The following HEATR4 variants were observed in gnomAD, a reference collection of about 807,000 sequenced individuals.
HEATR4 encodes the protein HEAT repeat containing 4, also known as HEAT repeat-containing protein 4.
Under a neutral mutation model 108.8 loss-of-function variants are expected in HEATR4, and 95 were observed. That is an observed-to-expected ratio of 0.87 (90% CI 0.74 to 1.04). HEATR4 has a LOEUF of 1.04. HEATR4 is among the 50% of genes least tolerant of loss of function. The pLI is 0.00. For missense variants in HEATR4, 1,152 were observed against 1,253.8 expected, an observed-to-expected ratio of 0.92 and a Z score of 1.23; for synonymous variants, 443 against 459.4, an observed-to-expected ratio of 0.96 and a Z score of 0.46.
the HEATR4 span, among the ~76,000 whole-genome samples, chr14:73,584,804 C>A: frequency 6.7e-6 from 1 of 149,402 alleles, no homozygotes; most frequent in Non-Finnish European, 1.5e-5. Flanking sequence ...AGCCCCCATT[C>A]CCACAATCCC....
the HEATR4 span, among the ~76,000 whole-genome samples, chr14:73,627,931 C>T: frequency 6.6e-6 from 1 of 152,158 alleles, no homozygotes; most frequent in Non-Finnish European, 1.5e-5. Flanking sequence ...GCCTCAGCCT[C>T]CTGAGTAGCT....
intron 1 of HEATR4, among the ~76,000 whole-genome samples, chr14:73,540,867 G>A (rs1307476450): frequency 9.2e-6 from 1 of 108,698 alleles, no homozygotes. Context: ...TCAGCCTCCC[G>A]AGTAGCTGGG....
the HEATR4 span, among the ~76,000 whole-genome samples, chr14:73,604,464 C>T: frequency 6.6e-6 from 1 of 151,140 alleles, no homozygotes; most frequent in African/African-American, 2.4e-5. Flanking sequence ...TGCACCTGGC[C>T]CAGTTTCTTG....
intron 9 of HEATR4, among the ~76,000 whole-genome samples, chr14:73,506,957 C>T (rs1434430249): frequency 4.6e-5 from 7 of 151,722 alleles, no homozygotes; most frequent in Non-Finnish European, 1.0e-4. Context: ...CCTGCCACCA[C>T]GCCCGGTTAA....
chr14:73,613,682 C>G, the HEATR4 span, among the ~76,000 whole-genome samples: 1 of 152,166 alleles, frequency 6.6e-6, no homozygotes, highest in Non-Finnish European at 1.5e-5. Flanking sequence ...CTATTGGCAT[C>G]TAGCAGGCAG....
rs902126363 is a variant in HEATR4, at chr14:73,514,169, G to C, written c.1276C>G (p.Leu426Val). 2 of 1,614,074 alleles carry C rather than the reference G, an allele frequency of 1.2e-6. No individual in the cohort carries two copies. The highest frequency in any genetic ancestry group is 2.7e-5 in the African/African-American group (2 of 74,922). ...GGCACATCCTTCTCACCCACCTGCAGCAGCATATCCTTGGCGGGGGTGGGC... is the reference window on the plus strand; with the variant it reads ...GGCACATCCTTCTCACCCACCTGCACCAGCATATCCTTGGCGGGGGTGGGC... The part of the protein sequence containing the change: ...ALPTPAKDML[L>V]QVGEKDVPIK... The change falls in exon 6 of 18, where the codon CTG becomes GTG. Residue 426 changes from leucine (L) to valine (V), a missense_variant. Coordinates refer to ENST00000553558, the MANE Select transcript of HEATR4 (RefSeq NM_001220484.1).
chr14:73,573,407 G>C, the HEATR4 span: 3,653 of 1,611,592 alleles, frequency 2.3e-3, 80 homozygotes, highest in Non-Finnish European at 2.8e-3. Context: ...CCTTTCCTGG[G>C]ATTGTGGACA....
chr14:73,559,283 C>T (rs1402721279), upstream of HEATR4, among the ~76,000 whole-genome samples: 1 of 151,594 alleles, frequency 6.6e-6, no homozygotes, highest in African/African-American at 2.4e-5. Flanking sequence ...CACCATGCCC[C>T]ACTAATTGTA....
chr14:73,506,804 G>GTTTTGTTTTTTTT, intron 9 of HEATR4, among the ~76,000 whole-genome samples: 1 of 80,492 alleles, frequency 1.2e-5, no homozygotes, highest in African/African-American at 4.9e-5. Flanking sequence ...GACTTTAACT[G>GTTTTGTTTTTTTT]TTTTTTTTTT....
Position 73,509,856 on chromosome 14 carries a change from ATATATATATATATTTATT to A in HEATR4, c.1559-401_1559-384del, listed in dbSNP as rs1264066923. 6.8e-3 allele frequency among the ~76,000 whole-genome samples: 414 copies of A among 61,302 alleles called. 22 individuals are homozygous for A. The highest frequency in any genetic ancestry group is 0.011 in the Non-Finnish European group (316 of 30,092). 40.2% of individuals were successfully genotyped at this position (61,302 alleles called of 152,430 possible). A position where few individuals can be genotyped will look rare whatever the true frequency, so the allele number is the denominator to read the frequency against. On this transcript the variant is annotated intron_variant, in intron 7 of 17. Transcript: ENST00000553558. ...TATATATATATATATATATATATAT[ATATATATATATATTTATT>A]TATTTTATATATTTTTTGAGACGGA... is the stretch of plus-strand genomic sequence containing the variant.
At chr14:73,588,604 C>T in the HEATR4 span, among the ~76,000 whole-genome samples, 43 of 152,240 alleles carry the variant, frequency 2.8e-4, no homozygotes, top group Non-Finnish European at 5.9e-4. Context: ...TGAATCTTCT[C>T]CCTCCTACTC....
intron 1 of HEATR4, among the ~76,000 whole-genome samples, chr14:73,538,822 GC>G (rs1196369887): frequency 8.9e-6 from 1 of 111,944 alleles, no homozygotes; most frequent in Non-Finnish European, 1.9e-5. Context: ...ACAAAAATTA[GC>G]CAGGTGAGGT....
the HEATR4 span, chr14:73,619,753 G>T: frequency 6.2e-7 from 1 of 1,613,694 alleles, no homozygotes; most frequent in South Asian, 1.1e-5. Flanking sequence ...TCACTCAAAG[G>T]CACAGGTAGA....
chr14:73,492,140 C>T lies in HEATR4; in HGVS notation c.2844+926G>A, dbSNP rs1885809514. The T allele has an allele frequency of 3.7e-6, 6 of 1,613,830 alleles. No homozygotes were observed. The highest frequency in any genetic ancestry group is 5.1e-6 in the Non-Finnish European group (6 of 1,179,882). Reference sequence around the variant, plus strand: ...CGAGGAACTGGCTCTGACATCCAGCCCCAACTTCAGTCAGGACGACCTCGG... The same window carrying T: ...CGAGGAACTGGCTCTGACATCCAGCTCCAACTTCAGTCAGGACGACCTCGG... On this transcript the variant is annotated intron_variant, in intron 17 of 17. Coordinates refer to ENST00000553558, the MANE Select transcript of HEATR4 (RefSeq NM_001220484.1). The surrounding 1 kb of genome is among the most constrained non-coding windows in gnomAD (Gnocchi z 4.9).
At chr14:73,501,723 C>T (rs1461833980) in intron 11 of HEATR4, among the ~76,000 whole-genome samples, 2 of 151,700 alleles carry the variant, frequency 1.3e-5, no homozygotes, top group Non-Finnish European at 2.9e-5. Context: ...TACAGGCATA[C>T]ACCACCACAC....
chr14:73,501,569 C>CTT (rs1204245183), intron 11 of HEATR4, among the ~76,000 whole-genome samples: 1,086 of 108,002 alleles, frequency 0.01, 30 homozygotes, highest in African/African-American at 0.03. Context: ...GTCTCTCTCT[C>CTT]TTTTTTTTTT....
At chr14:73,482,722 T>C (rs1885305204) in intron 17 of HEATR4, among the ~76,000 whole-genome samples, 2 of 152,204 alleles carry the variant, frequency 1.3e-5, no homozygotes, top group Admixed American at 6.6e-5. Context: ...AATGGTGCAA[T>C]CTCGGCTCAC....
chr14:73,512,805 G>A (rs547302302), intron 6 of HEATR4, among the ~76,000 whole-genome samples: 2 of 152,212 alleles, frequency 1.3e-5, no homozygotes, highest in East Asian at 3.9e-4. Context: ...TTATCTGTAG[G>A]TGTTTCCTTC....
chr14:73,628,299 C>T, the HEATR4 span, among the ~76,000 whole-genome samples: 1 of 152,098 alleles, frequency 6.6e-6, no homozygotes, highest in Non-Finnish European at 1.5e-5. Flanking sequence ...ATCACATAGT[C>T]ATTTTTTTTA....
Sources: allele counts gnomAD v4.1 joint callset (sites outside exome capture counted in the v4.1 genomes callset), GRCh38; gene constraint gnomAD v4.1.1; non-coding constraint Gnocchi (gnomAD v3.1); transcripts MANE v1.5; gene names NCBI Gene and HGNC (gene_info 2026-07-23, HGNC 2026-07-21).